The following ANKS1B variants were observed in gnomAD, a reference collection of about 807,000 sequenced individuals.
ANKS1B encodes the protein ankyrin repeat and sterile alpha motif domain-containing protein 1B.
In ANKS1B, 36 loss-of-function variants were observed where a neutral mutation model predicts 148.3. The observed-to-expected ratio is 0.24, with a 90% CI of 0.19 to 0.32. The LOEUF (loss-of-function observed/expected upper bound fraction) is 0.32, where lower values mean the gene tolerates loss of function less well. Among genes scored for constraint, ANKS1B ranks in the 10% least tolerant of loss-of-function variants. ANKS1B has a pLI of 1.00. For synonymous variants in ANKS1B, 542 were observed against 560.8 expected (o/e 0.97, Z 0.47); for missense variants, 1,157 against 1,542.6 (o/e 0.75, Z 4.19).
intron 1 of ANKS1B, among the ~76,000 whole-genome samples, chr12:99,845,814 T>C (rs2086577693): frequency 6.6e-6 from 1 of 152,146 alleles, no homozygotes. Context: ...CTCTTCTTTG[T>C]ATCTCTGGTA....
chr12:99,804,232 A>G (rs2067314307), intron 4 of ANKS1B, among the ~76,000 whole-genome samples: 1 of 152,208 alleles, frequency 6.6e-6, no homozygotes, highest in Non-Finnish European at 1.5e-5. Flanking sequence ...GATTAGAGAA[A>G]TTCAACATTT....
chr12:98,987,151 C>T (rs934156513), intron 17 of ANKS1B, among the ~76,000 whole-genome samples: 6 of 151,248 alleles, frequency 4.0e-5, no homozygotes, highest in Non-Finnish European at 7.4e-5. Context: ...GTTTTTGTGT[C>T]AAGTAAACAT....
At chr12:99,650,790 T>C (rs2098414387) in intron 9 of ANKS1B, among the ~76,000 whole-genome samples, 1 of 152,122 alleles carries the variant, frequency 6.6e-6, no homozygotes. Context: ...GGACAAAAAC[T>C]GGAAATTAGA....
chr12:99,856,510 G>A (rs1256547839), intron 1 of ANKS1B, among the ~76,000 whole-genome samples: 2 of 151,638 alleles, frequency 1.3e-5, no homozygotes, highest in Non-Finnish European at 2.9e-5. Flanking sequence ...AGAAAAAGAG[G>A]GAATCCTCCA....
intron 9 of ANKS1B, among the ~76,000 whole-genome samples, chr12:99,628,264 T>C (rs1360655102): frequency 1.3e-5 from 2 of 152,136 alleles, no homozygotes; most frequent in African/African-American, 4.8e-5. Flanking sequence ...CAGCACTTCA[T>C]TGACTGAAAG....
At chr12:98,742,656 T>C (rs1272341252), downstream of ANKS1B, among the ~76,000 whole-genome samples, 2 of 152,254 alleles carry the variant, frequency 1.3e-5, no homozygotes, top group Non-Finnish European at 1.5e-5. Context: ...TTCCAGCTCC[T>C]AGCTACTAAC....
chr12:99,618,261 G>C (rs2097996648), intron 9 of ANKS1B, among the ~76,000 whole-genome samples: 2 of 152,098 alleles, frequency 1.3e-5, no homozygotes, highest in South Asian at 4.2e-4. Context: ...GTATGTATAA[G>C]GACAAAACAC....
intron 17 of ANKS1B, among the ~76,000 whole-genome samples, chr12:98,870,953 G>T (rs200787): frequency 0.46 from 70,475 of 152,084 alleles, 16,391 homozygotes; most frequent in Admixed American, 0.52. Flanking sequence ...TATTCAGACT[G>T]GGAGTAGGGG....
intron 15 of ANKS1B, among the ~76,000 whole-genome samples, chr12:99,101,862 T>G (rs535220288): frequency 2.0e-5 from 3 of 152,172 alleles, no homozygotes; most frequent in African/African-American, 7.2e-5. Context: ...GCGCTCAGCC[T>G]TGAGGGGCTG....
intron 11 of ANKS1B, among the ~76,000 whole-genome samples, chr12:99,435,257 C>T (rs147607360): frequency 6.6e-6 from 1 of 152,184 alleles, no homozygotes; most frequent in East Asian, 1.9e-4. Context: ...ACTGACTCCT[C>T]CCATATCCCA....
At chr12:99,050,418 C>G (rs539523292) in intron 17 of ANKS1B, among the ~76,000 whole-genome samples, 20 of 152,254 alleles carry the variant, frequency 1.3e-4, no homozygotes, top group African/African-American at 4.6e-4. Flanking sequence ...AAATGACATA[C>G]AAATCCTCAC....
chr12:99,471,745 A>G (rs1410879327), intron 10 of ANKS1B, among the ~76,000 whole-genome samples: 1 of 152,096 alleles, frequency 6.6e-6, no homozygotes, highest in Non-Finnish European at 1.5e-5. Flanking sequence ...TTATTAAAAA[A>G]TATGTTGCTG....
At chr12:98,897,158 G>A (rs2099765859) in intron 17 of ANKS1B, among the ~76,000 whole-genome samples, 1 of 152,128 alleles carries the variant, frequency 6.6e-6, no homozygotes, top group Non-Finnish European at 1.5e-5. Context: ...AGCTGGGAGG[G>A]GAAGTCGCTG....
chr12:99,295,558 G>C (rs1454992090), intron 12 of ANKS1B, among the ~76,000 whole-genome samples: 1 of 152,118 alleles, frequency 6.6e-6, no homozygotes, highest in Non-Finnish European at 1.5e-5. Context: ...TTTTGATTAA[G>C]TTCAATATAT....
intron 19 of ANKS1B, among the ~76,000 whole-genome samples, chr12:98,808,760 C>T (rs1156735156): frequency 6.6e-6 from 1 of 152,180 alleles, no homozygotes; most frequent in East Asian, 1.9e-4. Context: ...CTTGACCCAT[C>T]CCAAGTTCTG....
chr12:99,433,297 A>G (rs1205834867), intron 11 of ANKS1B, among the ~76,000 whole-genome samples: 13 of 152,212 alleles, frequency 8.5e-5, no homozygotes, highest in Non-Finnish European at 4.4e-5. Context: ...TTCTTTAAGC[A>G]TAATACACAA....
intron 9 of ANKS1B, among the ~76,000 whole-genome samples, chr12:99,531,847 G>A (rs1006171616): frequency 1.3e-5 from 2 of 152,012 alleles, no homozygotes; most frequent in African/African-American, 2.4e-5. Flanking sequence ...TCTTTTCTCC[G>A]CATCTGAACC....
At chr12:99,758,067 C>T (rs1436638586) in intron 8 of ANKS1B, among the ~76,000 whole-genome samples, 1 of 151,906 alleles carries the variant, frequency 6.6e-6, no homozygotes, top group African/African-American at 2.4e-5. Flanking sequence ...CAAACCTGCA[C>T]ATGTAACCCT....
intron 1 of ANKS1B, among the ~76,000 whole-genome samples, chr12:99,884,259 G>GTAT (rs2092707033): frequency 6.6e-6 from 1 of 152,106 alleles, no homozygotes; most frequent in African/African-American, 2.4e-5. Flanking sequence ...ACAACTGCAG[G>GTAT]TATTAGCAAG....
Sources: gnomAD v4.1 joint callset for allele counts (sites outside exome capture counted in the v4.1 genomes callset) on GRCh38, gnomAD v4.1.1 for gene constraint, MANE v1.5 for transcripts, NCBI Gene and HGNC (gene_info 2026-07-23, HGNC 2026-07-21) for gene names.